The following INPP5F variants were observed in gnomAD, a reference collection of about 807,000 sequenced individuals.
The protein encoded by INPP5F is inositol polyphosphate-5-phosphatase F.
In INPP5F, 97 loss-of-function variants were observed where a neutral mutation model predicts 137.2. The observed-to-expected ratio is 0.71, with a 90% confidence interval of 0.60 to 0.84. The LOEUF is 0.84. INPP5F is among the 40% of genes least tolerant of loss of function. The pLI is 0.00. For synonymous variants in INPP5F, 504 were observed against 476.9 expected (o/e 1.06, Z -0.74); for missense variants, 1,271 against 1,371.9 (o/e 0.93, Z 1.16).
At position 119,797,534 on chromosome 10, in the gene INPP5F, T is replaced by G. The variant is rs767644763; in HGVS notation, c.942T>G (p.Ile314Met). 3 of 1,612,866 alleles carry G rather than the reference T, an allele frequency of 1.9e-6. No individual in the cohort carries two copies. Among genetic ancestry groups the G allele is most frequent in the Non-Finnish European group, 2.5e-6 (3 of 1,179,288 alleles). The change falls in exon 8 of 20, where the codon ATT becomes ATG. Residue 314 changes from isoleucine to methionine, a missense_variant. By Grantham distance (10) the Ile-to-Met change is conservative. This residue lies in a region of INPP5F where 593 missense variants were observed against 712.4 expected (regional missense o/e 0.83). Transcript: ENST00000650623. Reference sequence around the variant, plus strand: ...ATTATGTGGAGACTGAGCAGTTGATTCATGTTCATAATCATACCCTGTCAT... The same window carrying G: ...ATTATGTGGAGACTGAGCAGTTGATGCATGTTCATAATCATACCCTGTCAT... ...VANYVETEQLIHVHNHTLSFV... is the reference protein window; with the variant it reads ...VANYVETEQLMHVHNHTLSFV...
At chr10:119,805,320 T>A (rs1850730245) in intron 10 of INPP5F, 64 bp from the exon 11 acceptor site, 1 of 1,317,910 alleles carries the variant, frequency 7.6e-7, no homozygotes, top group East Asian at 2.4e-5. Flanking sequence ...ATAGCATATC[T>A]TAAGTTTTAA....
chr10:119,826,462 T>C (rs937007536), intron 19 of INPP5F, among the ~76,000 whole-genome samples, 169 bp from the exon 20 acceptor site: 2 of 152,234 alleles, frequency 1.3e-5, no homozygotes, highest in African/African-American at 4.8e-5. Flanking sequence ...ATATTTCTAT[T>C]GGATAGCACT....
chr10:119,805,511 T>C (rs769309694), intron 11 of INPP5F, 50 bp downstream of exon 11: 7 of 1,226,996 alleles, frequency 5.7e-6, no homozygotes, highest in Admixed American at 5.2e-5. Flanking sequence ...ATCTGTAAAA[T>C]AGTACCACTG....
intron 2 of INPP5F, 78 bp downstream of exon 2, chr10:119,751,234 A>G: frequency 1.1e-6 from 1 of 878,394 alleles, no homozygotes; most frequent in Non-Finnish European, 1.9e-6. Context: ...AGGATACATG[A>G]GATTCTCTTA....
Position 119,726,289 on chromosome 10 carries a change from C to G in INPP5F, c.27C>G (p.His9Gln). 1.3e-6 allele frequency: 2 copies of G among 1,493,306 alleles called. No homozygotes were observed. The highest frequency in any genetic ancestry group is 1.8e-6 in the Non-Finnish European group (2 of 1,121,168). The allele number at this position is 1,493,306 out of a possible 1,614,324, so 92.5% of individuals were successfully genotyped here. ...TGGAGCTCTTCCAAGCCAAGGACCA[C>G]TACATCCTGCAGCAGGGCGAGCGCG... is the stretch of plus-strand genomic sequence containing the variant. MELFQAKD[H>Q]YILQQGERAL... Residue 9 changes from histidine to glutamine, a missense_variant, in exon 1 of 20, where the codon CAC becomes CAG. This residue lies in a region of INPP5F where 109 missense variants were observed against 105.1 expected (regional missense o/e 1.04). Transcript: ENST00000650623.
At chr10:119,739,732 T>C (rs984679468) in intron 1 of INPP5F, among the ~76,000 whole-genome samples, 20 of 152,090 alleles carry the variant, frequency 1.3e-4, no homozygotes, top group African/African-American at 4.6e-4. Flanking sequence ...TGGGCTCAGG[T>C]GATCCTCCCA....
At chr10:119,797,710 C>T (rs1850435242) in intron 8 of INPP5F, 70 bp downstream of exon 8, 1 of 1,241,518 alleles carries the variant, frequency 8.1e-7, no homozygotes, top group Non-Finnish European at 1.1e-6. Flanking sequence ...AATTAGTTAC[C>T]TGTTAGGTTT....
chr10:119,823,040 T>G (rs1368792211), intron 17 of INPP5F, 31 bp from the exon 18 acceptor site: 1 of 1,576,870 alleles, frequency 6.3e-7, no homozygotes, highest in Non-Finnish European at 8.6e-7. Context: ...GTGAAACATT[T>G]AACTTTATAC....
intron 2 of INPP5F, among the ~76,000 whole-genome samples, chr10:119,775,737 G>A (rs540857107): frequency 4.2e-4 from 64 of 152,180 alleles, no homozygotes; most frequent in African/African-American, 1.4e-3. Context: ...AGTGGTGGGT[G>A]GATTTGGTTT....
At chr10:119,760,942 G>A (rs1329942148) in intron 2 of INPP5F, among the ~76,000 whole-genome samples, 1 of 152,116 alleles carries the variant, frequency 6.6e-6, no homozygotes, top group African/African-American at 2.4e-5. Context: ...AAACATTTTA[G>A]TACTTTAGGG....
Position 119,828,281 on chromosome 10 carries a change from G to A in INPP5F, c.*501G>A, listed in dbSNP as rs552714368. 3.6e-3 allele frequency: 552 copies of A among 153,500 alleles called. 5 individuals carry two copies. Among genetic ancestry groups the A allele is most frequent in the African/African-American group, 0.013 (536 of 41,540 alleles). The allele number at this position is 153,500 out of a possible 1,614,324, so 9.5% of individuals were successfully genotyped here. On this transcript the variant is annotated 3_prime_UTR_variant, in exon 20 of 20. Coordinates refer to ENST00000650623, the MANE Select transcript of INPP5F (RefSeq NM_014937.4). Reference sequence around the variant, plus strand: ...CTATTTTAGTTTTGATGGCTTAACTGTTCCCTGAGGAGTTGAGGGTTATTG... The same window carrying A: ...CTATTTTAGTTTTGATGGCTTAACTATTCCCTGAGGAGTTGAGGGTTATTG...
At chr10:119,781,147 T>C (rs181780598) in intron 2 of INPP5F, among the ~76,000 whole-genome samples, 275 of 152,382 alleles carry the variant, frequency 1.8e-3, no homozygotes, top group Non-Finnish European at 3.2e-3. Context: ...CAGTGTTTAT[T>C]GTAATTATAA....
intron 3 of INPP5F, among the ~76,000 whole-genome samples, chr10:119,791,211 C>T (rs1850130684): frequency 6.6e-6 from 1 of 152,212 alleles, no homozygotes; most frequent in South Asian, 2.1e-4. Flanking sequence ...GCATTAATAA[C>T]CTCAGCCGGA....
At chr10:119,767,108 A>G (rs973433630) in intron 2 of INPP5F, among the ~76,000 whole-genome samples, 10 of 28,558 alleles carry the variant, frequency 3.5e-4, no homozygotes, top group African/African-American at 9.2e-4. Flanking sequence ...CTGTCTCCAG[A>G]AAAAAAAAAA....
intron 1 of INPP5F, among the ~76,000 whole-genome samples, chr10:119,746,513 A>G (rs1848537977): frequency 6.6e-6 from 1 of 152,228 alleles, no homozygotes; most frequent in South Asian, 2.1e-4. Flanking sequence ...CTATTTGGAA[A>G]GAAATCAGGG....
chr10:119,784,098 C>G (rs1262005092), intron 3 of INPP5F, among the ~76,000 whole-genome samples: 9 of 152,204 alleles, frequency 5.9e-5, no homozygotes, highest in Non-Finnish European at 5.9e-5. Context: ...TTGAAAATCA[C>G]AACTTTATTA....
At position 119,827,676 on chromosome 10, in the gene INPP5F, A is replaced by G. The variant is rs763615224; in HGVS notation, c.3295A>G (p.Lys1099Glu). 12 of 1,614,058 alleles carry G rather than the reference A, an allele frequency of 7.4e-6. No individual in the cohort carries two copies. The highest frequency in any genetic ancestry group is 6.7e-5 in the African/African-American group (5 of 74,926). Residue 1099 changes from lysine to glutamate, a missense_variant, in exon 20 of 20, where the codon AAA becomes GAA. Transcript: ENST00000650623. Reference sequence around the variant, plus strand: ...CCATGGGATAAACTTTGCAGTGTCAAAAGTTCAGAAGAGTCCTCCAGAACC... The same window carrying G: ...CCATGGGATAAACTTTGCAGTGTCAGAAGTTCAGAAGAGTCCTCCAGAACC... ...LTHGINFAVS[K>E]VQKSPPEPEI...
At chr10:119,814,876 T>G (rs570422689) in intron 15 of INPP5F, among the ~76,000 whole-genome samples, 1 of 151,122 alleles carries the variant, frequency 6.6e-6, no homozygotes, top group East Asian at 1.9e-4. Context: ...ACTTTTTTTG[T>G]TTTTTTTTGG....
At chr10:119,811,603 T>C (rs1483416281) in intron 14 of INPP5F, among the ~76,000 whole-genome samples, 154 bp from the exon 15 acceptor site, 1 of 152,252 alleles carries the variant, frequency 6.6e-6, no homozygotes, top group African/African-American at 2.4e-5. Flanking sequence ...TTTAGTGTCA[T>C]ATCTTAAAAA....
Sources: allele counts gnomAD v4.1 joint callset (sites outside exome capture counted in the v4.1 genomes callset), GRCh38; gene constraint gnomAD v4.1.1; regional missense constraint gnomAD v4.1.1; transcripts MANE v1.5; gene names NCBI Gene and HGNC (gene_info 2026-07-23, HGNC 2026-07-21).